The following EIF2AK2 variants were observed in gnomAD, a reference collection of about 807,000 sequenced individuals.
The protein encoded by EIF2AK2 is interferon-induced, double-stranded RNA-activated protein kinase.
In EIF2AK2, 40 loss-of-function variants were observed where a neutral mutation model predicts 70.5. The observed-to-expected ratio is 0.57, with a 90% CI of 0.44 to 0.74. EIF2AK2 has a LOEUF of 0.74. Ranked by LOEUF, EIF2AK2 falls within the 30% of genes least tolerant of loss-of-function variation. The pLI is 0.00. For synonymous variants in EIF2AK2, 198 were observed against 220.9 expected (o/e 0.90, Z 0.92); for missense variants, 555 against 644.3 (o/e 0.86, Z 1.50).
At chr2:37,134,310 T>C (rs568362314) in intron 10 of EIF2AK2, among the ~76,000 whole-genome samples, 1 of 152,292 alleles carries the variant, frequency 6.6e-6, no homozygotes, top group South Asian at 2.1e-4. Flanking sequence ...ACCCCACTTT[T>C]ACAACAAGCC....
intron 1 of EIF2AK2, among the ~76,000 whole-genome samples, chr2:37,151,126 T>C (rs1558432588): frequency 6.6e-6 from 1 of 152,148 alleles, no homozygotes; most frequent in Non-Finnish European, 1.5e-5. Flanking sequence ...AAAACGTTTG[T>C]GTATCAAAGG....
In EIF2AK2 at chr2:37,099,978, T is replaced by C. The variant is rs1035348446; in HGVS notation, c.*7295A>G. The C allele has an allele frequency of 6.6e-6, 1 of 151,944 alleles. No homozygotes were observed. Among genetic ancestry groups the C allele is most frequent in the East Asian group, 1.9e-4 (1 of 5,196 alleles). The allele number at this position is 151,944 out of a possible 1,614,324, so 9.4% of individuals were successfully genotyped here. A position where few individuals can be genotyped will look rare whatever the true frequency, so the allele number is the denominator to read the frequency against. On this transcript the variant is annotated 3_prime_UTR_variant, in exon 17 of 17. Coordinates refer to ENST00000233057, the MANE Select transcript of EIF2AK2 (RefSeq NM_001135651.3). Reference sequence around the variant, plus strand: ...AGAGTAGATTAGTGGTTACCTAGAGTTGTGAGAAAACAGAGTGAATACTAA... The same window carrying C: ...AGAGTAGATTAGTGGTTACCTAGAGCTGTGAGAAAACAGAGTGAATACTAA...
intron 1 of EIF2AK2, among the ~76,000 whole-genome samples, chr2:37,149,506 C>T (rs1458702627): frequency 6.6e-6 from 1 of 152,060 alleles, no homozygotes; most frequent in Non-Finnish European, 1.5e-5. Context: ...AGCATTAAGC[C>T]TGCCTGGACC....
intron 2 of EIF2AK2, chr2:37,148,573 G>A (rs1358277769): frequency 2.6e-6 from 2 of 777,650 alleles, no homozygotes; most frequent in South Asian, 1.4e-5. Context: ...CTACAAATGA[G>A]TGCCATAAAA....
intron 1 of EIF2AK2, among the ~76,000 whole-genome samples, chr2:37,154,504 G>C (rs1573047289): frequency 6.6e-6 from 1 of 151,918 alleles, no homozygotes; most frequent in South Asian, 2.1e-4. Flanking sequence ...ATGGGGTTGC[G>C]CATCCTCTTC....
rs1246226399 is a variant in EIF2AK2 at position 37,103,339 on chromosome 2, G to T, written c.*3934C>A. ...GACTCCCGAGTAGCTGGGATTACAG[G>T]CGCCTACCACCACACCCAGCTAATT... On this transcript the variant is annotated 3_prime_UTR_variant, in exon 17 of 17. Coordinates refer to ENST00000233057, the MANE Select transcript of EIF2AK2 (RefSeq NM_001135651.3). The T allele has an allele frequency of 1.3e-5, 2 of 152,192 alleles. No individual in the cohort carries two copies. Among genetic ancestry groups the T allele is most frequent in the Admixed American group, 6.6e-5 (1 of 15,256 alleles). 9.4% of individuals were successfully genotyped at this position (152,192 alleles called of 1,614,324 possible).
At chr2:37,143,553 T>C (rs1675416720) in intron 4 of EIF2AK2, among the ~76,000 whole-genome samples, 1 of 152,156 alleles carries the variant, frequency 6.6e-6, no homozygotes, top group Non-Finnish European at 1.5e-5. Context: ...ATATGCAGAT[T>C]TTTTTTCTTG....
rs1177480698 is a variant in EIF2AK2 at position 37,099,810 on chromosome 2, A to G, written c.*7463T>C. 1.3e-5 allele frequency: 2 copies of G among 152,242 alleles called. No homozygotes were observed. The highest frequency in any genetic ancestry group is 2.9e-5 in the Non-Finnish European group (2 of 68,048). The allele number at this position is 152,242 out of a possible 1,614,324, so 9.4% of individuals were successfully genotyped here. A position where few individuals can be genotyped will look rare whatever the true frequency, so the allele number is the denominator to read the frequency against. On this transcript the variant is annotated 3_prime_UTR_variant, in exon 17 of 17. Coordinates refer to ENST00000233057, the MANE Select transcript of EIF2AK2 (RefSeq NM_001135651.3). ...AAAATGCGACATATCCATATGATAG[A>G]ATATTATTTGGCAATAAAAAGGAAT... is the stretch of plus-strand genomic sequence containing the variant.
intron 11 of EIF2AK2, 121 bp downstream of exon 11, chr2:37,126,167 TG>T: frequency 7.7e-7 from 1 of 1,295,844 alleles, no homozygotes; most frequent in Non-Finnish European, 1.0e-6. Flanking sequence ...TAGAATGAAA[TG>T]TTTAATGAGG....
chr2:37,147,605 T>C, intron 3 of EIF2AK2, 83 bp downstream of exon 3: 4 of 897,940 alleles, frequency 4.5e-6, no homozygotes, highest in Admixed American at 2.2e-5. Flanking sequence ...AGAATAATGG[T>C]TTCCAGCTTC....
At chr2:37,123,098 G>A (rs1397760303) in intron 11 of EIF2AK2, among the ~76,000 whole-genome samples, 1 of 151,802 alleles carries the variant, frequency 6.6e-6, no homozygotes, top group Non-Finnish European at 1.5e-5. Context: ...AATCCAGGAG[G>A]CGGAGGTTGC....
intron 4 of EIF2AK2, among the ~76,000 whole-genome samples, chr2:37,143,431 G>A (rs1675411649): frequency 6.6e-6 from 1 of 152,034 alleles, no homozygotes; most frequent in Non-Finnish European, 1.5e-5. Flanking sequence ...TCCATTACCT[G>A]CTCTCTGTAA....
chr2:37,124,407 G>A (rs922407378), intron 11 of EIF2AK2, among the ~76,000 whole-genome samples: 8 of 152,138 alleles, frequency 5.3e-5, no homozygotes, highest in Admixed American at 2.0e-4. Flanking sequence ...GACTACAGGC[G>A]TACGCTGCCA....
chr2:37,138,437 TA>T, intron 7 of EIF2AK2, 71 bp downstream of exon 7: 1 of 1,602,254 alleles, frequency 6.2e-7, no homozygotes, highest in Non-Finnish European at 8.5e-7. Context: ...AAATTCTCCT[TA>T]AACATAAAAA....
At chr2:37,145,984 C>A (rs1462339962) in intron 4 of EIF2AK2, among the ~76,000 whole-genome samples, 1 of 151,940 alleles carries the variant, frequency 6.6e-6, no homozygotes, top group African/African-American at 2.4e-5. Flanking sequence ...CAACTCCTGA[C>A]CTCAGGTGAT....
At chr2:37,141,418 A>T in intron 5 of EIF2AK2, 135 bp downstream of exon 5, 2 of 1,050,010 alleles carry the variant, frequency 1.9e-6, no homozygotes, top group Non-Finnish European at 2.8e-6. Flanking sequence ...AAATCCAATT[A>T]CTTATCAATC....
At position 37,146,822 on chromosome 2, in the gene EIF2AK2, C is replaced by T. The variant is rs529393633; in HGVS notation, c.240+31G>A. ...AAACAGAAAATGTATTTGCAAGTTC[C>T]CATTTATTAGGAAAAAAGGCAATCA... On this transcript the variant is annotated intron_variant, in intron 4 of 16. Transcript: ENST00000233057. The T allele has an allele frequency of 5.8e-5, 86 of 1,490,282 alleles. No individual in the cohort carries two copies. The South Asian group carries it at 9.5e-4, about 16-fold the overall frequency. The allele number at this position is 1,490,282 out of a possible 1,614,324, so 92.3% of individuals were successfully genotyped here.
At chr2:37,108,657 C>T (rs773635909) in intron 15 of EIF2AK2, among the ~76,000 whole-genome samples, 4 of 152,152 alleles carry the variant, frequency 2.6e-5, no homozygotes, top group African/African-American at 4.8e-5. Flanking sequence ...GCAACCTCCG[C>T]CTCCCAGGTT....
chr2:37,100,597 G>A lies in EIF2AK2; in HGVS notation c.*6676C>T, dbSNP rs1673804093. 6.6e-6 allele frequency: 1 copy of A among 152,144 alleles called. No homozygotes were observed. Among genetic ancestry groups the A allele is most frequent in the Admixed American group, 6.5e-5 (1 of 15,270 alleles). The allele number at this position is 152,144 out of a possible 1,614,324, so 9.4% of individuals were successfully genotyped here. On this transcript the variant is annotated 3_prime_UTR_variant, in exon 17 of 17. Coordinates refer to ENST00000233057, the MANE Select transcript of EIF2AK2 (RefSeq NM_001135651.3). ...TCCCTTCATCTATGACTATTTTTAA[G>A]AAATGTAAGATTTGGATAAGTCATA...
Sources: gnomAD v4.1 joint callset for allele counts (sites outside exome capture counted in the v4.1 genomes callset) on GRCh38, gnomAD v4.1.1 for gene constraint, MANE v1.5 for transcripts, NCBI Gene and HGNC (gene_info 2026-07-23, HGNC 2026-07-21) for gene names.